Variants in COL5A2 observed in about 807,000 individuals in gnomAD.
The protein encoded by COL5A2 is collagen type V alpha 2 chain, also known as collagen alpha-2(V) chain.
In COL5A2, 23 loss-of-function variants were observed where a neutral mutation model predicts 208.2. The ratio of observed to expected loss-of-function variants is 0.11; its 90% CI spans 0.08 to 0.16. COL5A2 has a LOEUF of 0.16. Among genes scored for constraint, COL5A2 ranks in the 10% least tolerant of loss-of-function variants. The probability of loss-of-function intolerance (pLI) is 1.00; values close to 1 mark genes in which losing one functional copy is unlikely to be tolerated. For missense variants in COL5A2, 1,590 were observed against 1,956.4 expected (o/e 0.81, Z 3.53); for synonymous variants, 625 against 628.5 (o/e 0.99, Z 0.08).
At chr2:189,299,071 T>C in the COL5A2 span, among the ~76,000 whole-genome samples, 64 of 152,310 alleles carry the variant, frequency 4.2e-4, no homozygotes, top group African/African-American at 1.4e-3. Flanking sequence ...TTTTCTAAAG[T>C]TGTATTTTGC....
At chr2:189,088,605 G>A in intron 8 of COL5A2, 90 bp downstream of exon 8, 1 of 932,950 alleles carries the variant, frequency 1.1e-6, no homozygotes, top group Non-Finnish European at 1.8e-6. Context: ...GAAGATGCAT[G>A]TTATTCTTTG....
Position 189,097,306 on chromosome 2 carries a change from T to C in COL5A2, c.427A>G (p.Arg143Gly), listed in dbSNP as rs752470579. ...CTTCCTTTTGGCCCTCGCTCTCCTC[T>C]TGGTCCCTGTGATCCTGGAGGTCCC... ...PAGPPGSQGP[R>G]GERGPKGRPG... Residue 143 changes from arginine to glycine, a missense_variant, in exon 6 of 54, where the codon AGA (arginine) becomes GGA (glycine). Physicochemically the swap from Arg to Gly is moderately radical, Grantham distance 125 (BLOSUM62 -2). Transcript: ENST00000374866. 6.2e-7 allele frequency: 1 copy of C among 1,614,140 alleles called. No individual in the cohort carries two copies. The highest frequency in any genetic ancestry group is 1.7e-5 in the Admixed American group (1 of 60,018).
At chr2:189,043,321 C>G in intron 47 of COL5A2, 63 bp from the exon 48 acceptor site, 3 of 1,179,180 alleles carry the variant, frequency 2.5e-6, no homozygotes. Context: ...CTAAAATTTA[C>G]TAAAATTTTA....
At chr2:189,275,990 C>G in the COL5A2 span, among the ~76,000 whole-genome samples, 8 of 152,240 alleles carry the variant, frequency 5.3e-5, no homozygotes, top group African/African-American at 9.6e-5. Flanking sequence ...TTATAACAAC[C>G]CAACATCATG....
At chr2:189,058,725 T>C in intron 32 of COL5A2, 124 bp downstream of exon 32, 1 of 992,586 alleles carries the variant, frequency 1.0e-6, no homozygotes, top group Non-Finnish European at 1.5e-6. Context: ...TCTCATAAAA[T>C]TAATTTTTAT....
chr2:189,382,743 G>A, the COL5A2 span, among the ~76,000 whole-genome samples: 5 of 152,296 alleles, frequency 3.3e-5, no homozygotes, highest in African/African-American at 9.6e-5. Context: ...TGGGATAGGT[G>A]GTGGAGTCAG....
intron 16 of COL5A2, among the ~76,000 whole-genome samples, chr2:189,076,015 A>C (rs1477239166): frequency 6.6e-6 from 1 of 152,180 alleles, no homozygotes; most frequent in African/African-American, 2.4e-5. Context: ...GATACAAAGC[A>C]TTGGCCCTTA....
At chr2:189,206,781 A>G (rs562956905) in intron 1 of COL5A2, among the ~76,000 whole-genome samples, 4 of 152,322 alleles carry the variant, frequency 2.6e-5, no homozygotes, top group African/African-American at 7.2e-5. Flanking sequence ...CAGGATTGTG[A>G]AAGATGACTT....
At chr2:189,185,377 G>A (rs1688838115) in intron 1 of COL5A2, among the ~76,000 whole-genome samples, 2 of 152,260 alleles carry the variant, frequency 1.3e-5, no homozygotes, top group South Asian at 2.1e-4. Flanking sequence ...CGTATTATGC[G>A]AAGGCAAAGA....
chr2:189,377,944 G>A, the COL5A2 span, among the ~76,000 whole-genome samples: 1 of 152,308 alleles, frequency 6.6e-6, no homozygotes, highest in East Asian at 1.9e-4. Context: ...TTGGGTCACA[G>A]CTGACCCGTT....
chr2:189,152,842 G>A (rs1234493173), intron 1 of COL5A2, among the ~76,000 whole-genome samples: 1 of 152,144 alleles, frequency 6.6e-6, no homozygotes, highest in African/African-American at 2.4e-5. Context: ...TCACCAAGAT[G>A]TGAAGGCAGA....
intron 49 of COL5A2, among the ~76,000 whole-genome samples, chr2:189,041,918 A>G (rs959142535): frequency 1.3e-5 from 2 of 152,260 alleles, no homozygotes; most frequent in African/African-American, 4.8e-5. Context: ...ATGAGTTTAC[A>G]TCTTTAATGG....
intron 23 of COL5A2, 70 bp downstream of exon 23, chr2:189,066,320 T>G (rs1411904458): frequency 2.9e-6 from 4 of 1,382,878 alleles, no homozygotes; most frequent in Non-Finnish European, 4.1e-6. Context: ...CTAGTTTTCC[T>G]TACTGTTCTC....
chr2:189,049,569 G>T, intron 43 of COL5A2, 115 bp from the exon 44 acceptor site: 2 of 793,620 alleles, frequency 2.5e-6, no homozygotes, highest in Non-Finnish European at 4.2e-6. Flanking sequence ...TAATAATTTT[G>T]CATTATCTTA....
At chr2:189,157,183 A>ATATAT (rs139611336) in intron 1 of COL5A2, among the ~76,000 whole-genome samples, 2 of 98,408 alleles carry the variant, frequency 2.0e-5, no homozygotes, top group African/African-American at 1.3e-4. Flanking sequence ...CTATATATAT[A>ATATAT]GCTTAGCACA....
chr2:189,409,977 T>C, the COL5A2 span, among the ~76,000 whole-genome samples: 2 of 152,162 alleles, frequency 1.3e-5, no homozygotes, highest in African/African-American at 4.8e-5. Context: ...AAGAGAGCAA[T>C]ATGAAAGCTT....
the COL5A2 span, among the ~76,000 whole-genome samples, chr2:189,301,743 A>T: frequency 6.6e-6 from 1 of 152,176 alleles, no homozygotes; most frequent in Admixed American, 6.5e-5. Context: ...ACAAAATAAA[A>T]TATTCTCCAC....
chr2:189,048,303 A>G (rs1238897874), intron 44 of COL5A2, 41 bp from the exon 45 acceptor site: 2 of 1,577,532 alleles, frequency 1.3e-6, no homozygotes, highest in African/African-American at 2.7e-5. Context: ...TAACTGAGTA[A>G]TGAAAAAAAT....
the COL5A2 span, among the ~76,000 whole-genome samples, chr2:189,420,502 A>T: frequency 0.85 from 129,753 of 152,042 alleles, 56,513 homozygotes; most frequent in Non-Finnish European, 0.95. Flanking sequence ...TCCAATCTCG[A>T]TTAATTGTGC....
Sources: gnomAD v4.1 joint callset for allele counts (sites outside exome capture counted in the v4.1 genomes callset) on GRCh38, gnomAD v4.1.1 for gene constraint, MANE v1.5 for transcripts, NCBI Gene and HGNC (gene_info 2026-07-23, HGNC 2026-07-21) for gene names.